The following FBXW7 variants were observed in gnomAD, a reference collection of about 807,000 sequenced individuals.
FBXW7 encodes F-box/WD repeat-containing protein 7.
A neutral mutation model predicts 86.3 loss-of-function variants in FBXW7; 11 were observed. The observed-to-expected ratio is 0.13, with a 90% CI of 0.08 to 0.21. The LOEUF (loss-of-function observed/expected upper bound fraction) is 0.21. FBXW7 is among the 10% of genes least tolerant of loss of function. The probability of loss-of-function intolerance (pLI) is 1.00; values close to 1 mark genes in which losing one functional copy is unlikely to be tolerated. For missense variants in FBXW7, 488 were observed against 847.4 expected, an observed-to-expected ratio of 0.58 and a Z score of 5.27; for synonymous variants, 313 against 297.9, an observed-to-expected ratio of 1.05 and a Z score of -0.52.
chr4:152,426,591 C>T (rs556827618), intron 2 of FBXW7, among the ~76,000 whole-genome samples: 4 of 152,174 alleles, frequency 2.6e-5, no homozygotes, highest in Admixed American at 6.5e-5. Flanking sequence ...CCTGGTGATC[C>T]GCCCGCCTCG....
At chr4:152,337,643 A>T (rs1166887133) in intron 7 of FBXW7, 159 bp downstream of exon 7, 1 of 639,698 alleles carries the variant, frequency 1.6e-6, no homozygotes, top group Non-Finnish European at 2.5e-6. Flanking sequence ...TTATTAAGTC[A>T]TGGCAATTTA....
At chr4:152,431,232 A>G (rs1314167056) in intron 2 of FBXW7, among the ~76,000 whole-genome samples, 2 of 152,258 alleles carry the variant, frequency 1.3e-5, no homozygotes, top group African/African-American at 4.8e-5. Context: ...CTGTCAAAAG[A>G]CAAAATTACA....
At chr4:152,349,122 T>C (rs1247727005) in intron 5 of FBXW7, among the ~76,000 whole-genome samples, 1 of 152,010 alleles carries the variant, frequency 6.6e-6, no homozygotes, top group Admixed American at 6.6e-5. Flanking sequence ...TCTGCAACAA[T>C]GTTCAATAAA....
intron 4 of FBXW7, among the ~76,000 whole-genome samples, chr4:152,404,541 C>A (rs1560855521): frequency 2.0e-5 from 3 of 152,050 alleles, no homozygotes; most frequent in African/African-American, 4.8e-5. Flanking sequence ...AGTTTTGAAT[C>A]CTATATTTTA....
intron 2 of FBXW7, among the ~76,000 whole-genome samples, chr4:152,495,716 A>AT (rs1369825182): frequency 1.3e-5 from 2 of 152,200 alleles, no homozygotes; most frequent in Non-Finnish European, 2.9e-5. Context: ...TAACACACAC[A>AT]TAAAGCCAAG....
At chr4:152,427,676 A>C (rs1448829571) in intron 2 of FBXW7, among the ~76,000 whole-genome samples, 2 of 151,830 alleles carry the variant, frequency 1.3e-5, no homozygotes, top group Non-Finnish European at 2.9e-5. Flanking sequence ...TGGTCTTAGA[A>C]CCTCCTTTAC....
rs533791641 is a variant in FBXW7 at position 152,411,862 on chromosome 4, G to T, written c.-59C>A. The stretch of plus-strand genomic sequence containing the variant: ...GGCTAGACTATCAGAAGATGCAAAG[G>T]TTTTCACATTCTGCAGGGGAAAATA... On this transcript the variant is annotated 5_prime_UTR_variant, in exon 4 of 14. Transcript: ENST00000281708. 2.7e-6 allele frequency: 4 copies of T among 1,496,272 alleles called. No individual in the cohort carries two copies. The highest frequency in any genetic ancestry group is 2.5e-5 in the Admixed American group (1 of 39,672). The allele number at this position is 1,496,272 out of a possible 1,614,324, so 92.7% of individuals were successfully genotyped here. A position where few individuals can be genotyped will look rare whatever the true frequency, so the allele number is the denominator to read the frequency against.
chr4:152,391,689 A>T (rs780864805), intron 4 of FBXW7, among the ~76,000 whole-genome samples: 3 of 152,144 alleles, frequency 2.0e-5, no homozygotes, highest in African/African-American at 7.2e-5. Context: ...TGTATCACTT[A>T]ATCACCACGC....
intron 4 of FBXW7, among the ~76,000 whole-genome samples, chr4:152,361,889 T>C (rs557631983): frequency 6.9e-6 from 1 of 144,108 alleles, no homozygotes. Flanking sequence ...TTGCTTGAAC[T>C]CGGGAGGTGG....
chr4:152,479,235 C>T (rs2149666221), intron 2 of FBXW7, among the ~76,000 whole-genome samples: 1 of 152,104 alleles, frequency 6.6e-6, no homozygotes, highest in African/African-American at 2.4e-5. Context: ...ATAGACTATA[C>T]TGAGTAGTGA....
At chr4:152,359,955 G>A (rs1262534104) in intron 4 of FBXW7, among the ~76,000 whole-genome samples, 2 of 152,096 alleles carry the variant, frequency 1.3e-5, no homozygotes, top group Non-Finnish European at 2.9e-5. Flanking sequence ...GAGGGAAGAA[G>A]GAAATTACCA....
chr4:152,392,369 T>C (rs1193525010), intron 4 of FBXW7, among the ~76,000 whole-genome samples: 4 of 152,154 alleles, frequency 2.6e-5, no homozygotes, highest in Non-Finnish European at 5.9e-5. Flanking sequence ...TTGGTAGTCC[T>C]GATGTGCTGG....
chr4:152,339,328 T>C (rs1364437844), intron 6 of FBXW7, among the ~76,000 whole-genome samples: 2 of 152,210 alleles, frequency 1.3e-5, no homozygotes, highest in Admixed American at 6.5e-5. Context: ...TAAACATGTA[T>C]ATGTACACAC....
chr4:152,510,620 T>C (rs1747875884), intron 2 of FBXW7, among the ~76,000 whole-genome samples: 1 of 152,130 alleles, frequency 6.6e-6, no homozygotes, highest in East Asian at 1.9e-4. Context: ...AATAGACTTT[T>C]CATAACTAAA....
At chr4:152,479,518 C>T in intron 2 of FBXW7, among the ~76,000 whole-genome samples, 1 of 152,020 alleles carries the variant, frequency 6.6e-6, no homozygotes, top group Non-Finnish European at 1.5e-5. Flanking sequence ...TGTGTCAGGA[C>T]TCATGGCCAG....
chr4:152,370,827 T>A (rs1336788621), intron 4 of FBXW7, among the ~76,000 whole-genome samples: 1 of 151,222 alleles, frequency 6.6e-6, no homozygotes, highest in Non-Finnish European at 1.5e-5. Context: ...TATTAATATT[T>A]GAGAAAGACT....
At chr4:152,364,650 T>C (rs1733295566) in intron 4 of FBXW7, among the ~76,000 whole-genome samples, 1 of 152,324 alleles carries the variant, frequency 6.6e-6, no homozygotes, top group South Asian at 2.1e-4. Context: ...AGCACATGCT[T>C]TTCAATATGT....
At position 152,328,610 on chromosome 4, in the gene FBXW7, T is replaced by A. The variant is rs548672742; in HGVS notation, c.1237-221A>T. The A allele has an allele frequency of 2.7e-4, 98 of 361,728 alleles. No homozygotes were observed. The East Asian group carries it at 4.1e-3, about 15-fold the overall frequency. The allele number at this position is 361,728 out of a possible 1,614,324, so 22.4% of individuals were successfully genotyped here. ...AGCACAAGCAATTGTGTATGTAGTA[T>A]GTAGAAAGCAAACATATGATATAAA... On this transcript the variant is annotated intron_variant, in intron 10 of 13. Transcript: ENST00000281708.
chr4:152,524,892 G>A (rs890780923), intron 2 of FBXW7, among the ~76,000 whole-genome samples: 4 of 152,160 alleles, frequency 2.6e-5, no homozygotes, highest in African/African-American at 9.7e-5. Flanking sequence ...AAGCATTCTA[G>A]TTTATACTAT....
Sources: allele counts gnomAD v4.1 joint callset (sites outside exome capture counted in the v4.1 genomes callset), GRCh38; gene constraint gnomAD v4.1.1; transcripts MANE v1.5; gene names NCBI Gene and HGNC (gene_info 2026-07-23, HGNC 2026-07-21).